The following ATP11A variants were observed in gnomAD, a reference collection of about 807,000 sequenced individuals.
ATP11A encodes the protein ATPase phospholipid transporting 11A.
In ATP11A, 81 loss-of-function variants were observed where a neutral mutation model predicts 154.4. The ratio of observed to expected loss-of-function variants is 0.52; its 90% CI spans 0.44 to 0.63. The LOEUF is 0.63. Ranked by LOEUF, ATP11A falls within the 30% of genes least tolerant of loss-of-function variation. ATP11A has a pLI of 0.00. For missense variants in ATP11A, 1,316 were observed against 1,474.3 expected (o/e 0.89, Z 1.76); for synonymous variants, 623 against 585.9 (o/e 1.06, Z -0.91).
intron 18 of ATP11A, among the ~76,000 whole-genome samples, chr13:112,853,318 A>G (rs565728484): frequency 1.2e-4 from 18 of 152,218 alleles, no homozygotes; most frequent in African/African-American, 3.9e-4. Context: ...ACATACATAC[A>G]CACACATAAA....
rs373482355 is a variant in ATP11A at position 112,738,444 on chromosome 13, C to T, written c.40-46691C>T. ...TCAGAAAAGTATTTACCCCTCTGCTCGTAGAGTATTGAACGAACCTGAGAT... is the reference window on the plus strand; with the variant it reads ...TCAGAAAAGTATTTACCCCTCTGCTTGTAGAGTATTGAACGAACCTGAGAT... On this transcript the variant is annotated intron_variant, in intron 1 of 29. Coordinates refer to ENST00000375645, the MANE Select transcript of ATP11A (RefSeq NM_015205.3). Among the ~76,000 whole-genome samples, 31 of 152,290 alleles carry T rather than the reference C, an allele frequency of 2.0e-4. 1 individual carries two copies. In the East Asian group the frequency reaches 4.0e-3, roughly 20 times the overall value.
intron 25 of ATP11A, among the ~76,000 whole-genome samples, chr13:112,870,423 C>T (rs934818900): frequency 3.3e-5 from 5 of 152,172 alleles, no homozygotes; most frequent in Admixed American, 2.0e-4. Context: ...CTGTCGCCCA[C>T]GTTGGAGTGT....
chr13:112,707,199 T>C (rs139869346), intron 1 of ATP11A, among the ~76,000 whole-genome samples: 2,128 of 152,212 alleles, frequency 0.014, 54 homozygotes, highest in African/African-American at 0.048. Context: ...ATGGATCACC[T>C]GAGGTCAGGC....
intron 1 of ATP11A, among the ~76,000 whole-genome samples, chr13:112,715,141 A>G (rs1459199236): frequency 6.6e-6 from 1 of 152,158 alleles, no homozygotes; most frequent in African/African-American, 2.4e-5. Context: ...TTGCTCACAC[A>G]TTCACCTGTT....
intron 20 of ATP11A, 36 bp from the exon 21 acceptor site, chr13:112,857,780 AAC>A (rs1195935287): frequency 6.5e-7 from 1 of 1,533,038 alleles, no homozygotes; most frequent in South Asian, 1.1e-5. Flanking sequence ...TCAGAAGTGA[AAC>A]AGAGAAGATA....
intron 12 of ATP11A, among the ~76,000 whole-genome samples, chr13:112,830,743 C>G (rs536641652): frequency 1.3e-5 from 2 of 152,180 alleles, no homozygotes; most frequent in Non-Finnish European, 2.9e-5. Flanking sequence ...AAGATGCTGC[C>G]GTGCGTTCCA....
At chr13:112,796,187 CT>C (rs1263347005) in intron 2 of ATP11A, among the ~76,000 whole-genome samples, 1 of 152,186 alleles carries the variant, frequency 6.6e-6, no homozygotes, top group Non-Finnish European at 1.5e-5. Context: ...GTTTGTATGG[CT>C]ACTTTTCCAT....
intron 1 of ATP11A, among the ~76,000 whole-genome samples, chr13:112,703,915 A>G (rs1886863416): frequency 6.6e-6 from 1 of 152,238 alleles, no homozygotes; most frequent in African/African-American, 2.4e-5. Flanking sequence ...CAGTAAACTC[A>G]GAGGCTGCTG....
chr13:112,810,600 C>A lies in ATP11A; in HGVS notation c.334-19C>A. On this transcript the variant is annotated intron_variant, in intron 4 of 29. Coordinates refer to ENST00000375645, the MANE Select transcript of ATP11A (RefSeq NM_015205.3). Reference sequence around the variant, plus strand: ...TCTCTCCCTGCTTCCTCTCTCCCTTCTTTCCTTCCTTTTTTTAGGGTTATG... The same window carrying A: ...TCTCTCCCTGCTTCCTCTCTCCCTTATTTCCTTCCTTTTTTTAGGGTTATG... 1 of 1,604,832 alleles carries A rather than the reference C, an allele frequency of 6.2e-7. No homozygotes were observed. The highest frequency in any genetic ancestry group is 1.3e-5 in the African/African-American group (1 of 74,852).
intron 3 of ATP11A, 100 bp downstream of exon 3, chr13:112,805,146 C>A: frequency 2.5e-6 from 2 of 793,724 alleles, no homozygotes; most frequent in Non-Finnish European, 2.0e-6. Context: ...AGAGCAAGGA[C>A]ATGGTGCCCC....
chr13:112,690,384 C>T lies in ATP11A; in HGVS notation c.-33C>T, dbSNP rs767228706. 3 of 1,272,806 alleles carry T rather than the reference C, an allele frequency of 2.4e-6. No individual in the cohort carries two copies. The highest frequency in any genetic ancestry group is 7.9e-5 in the Admixed American group (2 of 25,292). The allele number at this position is 1,272,806 out of a possible 1,614,324, so 78.8% of individuals were successfully genotyped here. A position where few individuals can be genotyped will look rare whatever the true frequency, so the allele number is the denominator to read the frequency against. On this transcript the variant is annotated 5_prime_UTR_variant, in exon 1 of 30. Transcript: ENST00000375645. The surrounding 1 kb of genome is among the most constrained non-coding windows in gnomAD (Gnocchi z 5.6). Reference sequence around the variant, plus strand: ...GCGCGCCGAGCCGGGCGCGGGGGCGCTGAACGGCGGAGCGGGAGCGGCCGG... The same window carrying T: ...GCGCGCCGAGCCGGGCGCGGGGGCGTTGAACGGCGGAGCGGGAGCGGCCGG...
At position 112,782,385 on chromosome 13, in the gene ATP11A, G is replaced by GT. The variant is rs1209277643; in HGVS notation, c.40-2747dup. ...TGCCGTCTTTGAAGCTTCGAAGAAA[G>GT]TTTCTAGGATTTTCACTTTTGTATT... On this transcript the variant is annotated intron_variant, in intron 1 of 29. Coordinates refer to ENST00000375645, the MANE Select transcript of ATP11A (RefSeq NM_015205.3). 2.6e-5 allele frequency among the ~76,000 whole-genome samples: 4 copies of GT among 152,158 alleles called. No homozygotes were observed. In the South Asian group the frequency reaches 8.3e-4, roughly 32 times the overall value.
intron 8 of ATP11A, among the ~76,000 whole-genome samples, chr13:112,820,669 T>C (rs2078775091): frequency 6.6e-6 from 1 of 152,246 alleles, no homozygotes; most frequent in Admixed American, 6.5e-5. Flanking sequence ...TATTTCAAGA[T>C]CTAGCATTTG....
intron 1 of ATP11A, among the ~76,000 whole-genome samples, chr13:112,758,612 A>T (rs985782854): frequency 6.6e-6 from 1 of 151,424 alleles, no homozygotes; most frequent in African/African-American, 2.4e-5. Context: ...TTTAGTAGAG[A>T]TGGGGTTTCA....
rs543031407 is a variant in ATP11A at position 112,756,847 on chromosome 13, G to T, written c.40-28288G>T. ...GCTCCCAGCACGGGGCCTGCTCCCA[G>T]CGCGGGGTCTGCTCCCAGCACGTGG... On this transcript the variant is annotated intron_variant, in intron 1 of 29. Coordinates refer to ENST00000375645, the MANE Select transcript of ATP11A (RefSeq NM_015205.3). Among the ~76,000 whole-genome samples, 4 of 151,946 alleles carry T rather than the reference G, an allele frequency of 2.6e-5. No individual in the cohort carries two copies. The East Asian group carries it at 7.8e-4, about 30-fold the overall frequency.
In ATP11A at chr13:112,759,032, C is replaced by T. The variant is rs1449984078; in HGVS notation, c.40-26103C>T. 2.6e-5 allele frequency among the ~76,000 whole-genome samples: 4 copies of T among 152,180 alleles called. No homozygotes were observed. The East Asian group carries it at 5.8e-4, about 22-fold the overall frequency. On this transcript the variant is annotated intron_variant, in intron 1 of 29. Transcript: ENST00000375645. ...AGTAACATTTATATTTTGTCACTTC[C>T]GTGGGTAAACATAACACCAAATACT...
chr13:112,726,828 T>TA (rs1007858323), intron 1 of ATP11A, among the ~76,000 whole-genome samples: 2 of 152,174 alleles, frequency 1.3e-5, no homozygotes, highest in African/African-American at 4.8e-5. Context: ...ACAAGCAGAA[T>TA]AAAAAATGCA....
chr13:112,770,021 G>A (rs987776617), intron 1 of ATP11A, among the ~76,000 whole-genome samples: 5 of 152,216 alleles, frequency 3.3e-5, no homozygotes, highest in Admixed American at 2.6e-4. Context: ...AGCGGAGTCT[G>A]TTCCAACTGC....
intron 1 of ATP11A, among the ~76,000 whole-genome samples, chr13:112,725,178 G>A (rs1324534680): frequency 6.6e-6 from 1 of 152,210 alleles, no homozygotes; most frequent in Non-Finnish European, 1.5e-5. Context: ...CCTTGTGGGA[G>A]CTGACTCAGG....
Sources: allele counts gnomAD v4.1 joint callset (sites outside exome capture counted in the v4.1 genomes callset), GRCh38; gene constraint gnomAD v4.1.1; non-coding constraint Gnocchi (gnomAD v3.1); transcripts MANE v1.5; gene names NCBI Gene and HGNC (gene_info 2026-07-23, HGNC 2026-07-21).